CMC2: variants seen among roughly 807,000 people sequenced by gnomAD.
CMC2 encodes C-X9-C motif containing 2.
In CMC2, 5 loss-of-function variants were observed where a neutral mutation model predicts 7.5. The ratio of observed to expected loss-of-function variants is 0.66; its 90% CI spans 0.35 to 1.40. CMC2 has a LOEUF of 1.40. Ranked by LOEUF, CMC2 falls within the 40% of genes most tolerant of loss-of-function variation. The pLI is 0.04. For missense variants in CMC2, 115 were observed against 92.3 expected (o/e 1.25, Z -1.01); for synonymous variants, 37 against 31.4 (o/e 1.18, Z -0.60).
chr16:80,982,223 G>C (rs993529391), intron 2 of CMC2: 32 of 168,416 alleles, frequency 1.9e-4, no homozygotes, highest in South Asian at 6.3e-4. Flanking sequence ...GTAAATACTG[G>C]CCGGGCACGG....
chr16:80,979,006 G>A lies in CMC2; in HGVS notation c.153+2800C>T, dbSNP rs191927194. 1.4e-3 allele frequency among the ~76,000 whole-genome samples: 208 copies of A among 152,176 alleles called. 3 individuals are homozygous for A. Among genetic ancestry groups the A allele is most frequent in the African/African-American group, 4.7e-3 (197 of 41,508 alleles). On this transcript the variant is annotated intron_variant, in intron 3 of 3. Transcript: ENST00000219400. ...TGAGGCAGGAGAATGGCGTGAACCC[G>A]GGAGGAGGAGCTTGCAGTGGGCTGA...
rs922237214 is a variant in CMC2 at position 80,978,840 on chromosome 16, A to G, written c.154-2661T>C. ...CTCACGCCTGTAACCCCAGCACTTT[A>G]GGAGGCCAAGGCGGGCGGATAACAA... On this transcript the variant is annotated intron_variant, in intron 3 of 3. Coordinates refer to ENST00000219400, the MANE Select transcript of CMC2 (RefSeq NM_020188.5). Among the ~76,000 whole-genome samples, 11 of 152,270 alleles carry G rather than the reference A, an allele frequency of 7.2e-5. No individual in the cohort carries two copies. The East Asian group carries it at 1.5e-3, about 21-fold the overall frequency.
intron 2 of CMC2, among the ~76,000 whole-genome samples, chr16:80,992,593 T>C (rs1404686826): frequency 1.3e-5 from 2 of 152,218 alleles, no homozygotes; most frequent in African/African-American, 2.4e-5. Context: ...TCTCTAATTA[T>C]TGAGGTTGAA....
chr16:80,987,322 A>T (rs933321440), intron 2 of CMC2, among the ~76,000 whole-genome samples: 1 of 152,208 alleles, frequency 6.6e-6, no homozygotes, highest in African/African-American at 2.4e-5. Context: ...AAATACAAAA[A>T]TTTTTAAATG....
chr16:80,991,498 C>T (rs993098428), intron 2 of CMC2, among the ~76,000 whole-genome samples: 7 of 151,910 alleles, frequency 4.6e-5, no homozygotes, highest in African/African-American at 1.5e-4. Context: ...AAAAATTATT[C>T]GAGCATGGTG....
intron 3 of CMC2, among the ~76,000 whole-genome samples, chr16:80,981,143 T>C (rs1046548844): frequency 6.6e-6 from 1 of 150,968 alleles, no homozygotes; most frequent in Admixed American, 6.6e-5. Context: ...TTAGCCATCA[T>C]ATATTTTTAA....
At position 80,975,956 on chromosome 16, in the gene CMC2, T is replaced by C. The variant is rs1912269438; in HGVS notation, c.*137A>G. 1.1e-5 allele frequency: 7 copies of C among 632,290 alleles called. No individual in the cohort carries two copies. In the Admixed American group the frequency reaches 2.0e-4, roughly 18 times the overall value. 39.2% of individuals were successfully genotyped at this position (632,290 alleles called of 1,614,324 possible). Reference sequence around the variant, plus strand: ...ATACTCAGAATCCAGGGTTTTCATATTTCTCCATGGTTCAATCTCTCACAG... The same window carrying C: ...ATACTCAGAATCCAGGGTTTTCATACTTCTCCATGGTTCAATCTCTCACAG... On this transcript the variant is annotated 3_prime_UTR_variant, in exon 4 of 4. Coordinates refer to ENST00000219400, the MANE Select transcript of CMC2 (RefSeq NM_020188.5).
At chr16:80,995,357 T>C (rs913186708) in intron 2 of CMC2, among the ~76,000 whole-genome samples, 7 of 148,476 alleles carry the variant, frequency 4.7e-5, no homozygotes, top group Non-Finnish European at 1.1e-4. Flanking sequence ...GTGCAAAATA[T>C]AGGAATATAC....
chr16:81,001,475 G>T (rs1249531010), intron 1 of CMC2: 1 of 152,180 alleles, frequency 6.6e-6, no homozygotes, highest in Non-Finnish European at 1.5e-5. Flanking sequence ...AGGGCAGGAG[G>T]AGATGAATGG....
chr16:80,992,819 G>A (rs957141319), intron 2 of CMC2, among the ~76,000 whole-genome samples: 5 of 150,594 alleles, frequency 3.3e-5, no homozygotes, highest in Non-Finnish European at 5.9e-5. Context: ...AACCTTCCAA[G>A]TAGCTAGGAC....
chr16:80,995,942 T>G (rs1009552002), intron 2 of CMC2, among the ~76,000 whole-genome samples: 1 of 152,128 alleles, frequency 6.6e-6, no homozygotes, highest in Non-Finnish European at 1.5e-5. Flanking sequence ...GTTAATTTTT[T>G]AAAATCCATC....
intron 1 of CMC2, among the ~76,000 whole-genome samples, chr16:80,999,671 G>A (rs1025721459): frequency 6.6e-6 from 1 of 152,080 alleles, no homozygotes; most frequent in Non-Finnish European, 1.5e-5. Context: ...AGACTATAAG[G>A]CTACAATAAC....
chr16:80,996,364 C>T (rs1368214579), intron 2 of CMC2, among the ~76,000 whole-genome samples: 1 of 152,196 alleles, frequency 6.6e-6, no homozygotes, highest in Non-Finnish European at 1.5e-5. Context: ...AAATATTCTA[C>T]TTTAACACAA....
chr16:80,980,766 G>A (rs547904967), intron 3 of CMC2: 6 of 687,416 alleles, frequency 8.7e-6, no homozygotes, highest in African/African-American at 1.8e-5. Flanking sequence ...ATGGTGGTAC[G>A]CACCTGTCGT....
At chr16:80,988,335 AT>A (rs747430792) in intron 2 of CMC2, among the ~76,000 whole-genome samples, 5 of 152,192 alleles carry the variant, frequency 3.3e-5, no homozygotes, top group Non-Finnish European at 7.3e-5. Context: ...ATAGCTCACT[AT>A]ACACTCAAAC....
Position 81,006,728 on chromosome 16 carries a change from A to T in CMC2, c.-36+6T>A. 1.0e-6 allele frequency: 1 copy of T among 985,292 alleles called. No individual in the cohort carries two copies. Among genetic ancestry groups the T allele is most frequent in the South Asian group, 4.7e-5 (1 of 21,278 alleles). The allele number at this position is 985,292 out of a possible 1,614,324, so 61.0% of individuals were successfully genotyped here. On this transcript the variant is annotated splice_donor_region_variant and intron_variant, in intron 1 of 3. Transcript: ENST00000219400. ...GTTCGGAACGGCCTGGACTCCCGAG[A>T]CTCACCCGACTCGTGGCCACACCGG...
chr16:80,988,263 G>A (rs371976583), intron 2 of CMC2, among the ~76,000 whole-genome samples: 2 of 152,242 alleles, frequency 1.3e-5, no homozygotes, highest in South Asian at 2.1e-4. Flanking sequence ...AGTGGTGGTG[G>A]TGTTGCTGTT....
At chr16:80,984,312 A>C (rs1967356913) in intron 2 of CMC2, among the ~76,000 whole-genome samples, 1 of 152,202 alleles carries the variant, frequency 6.6e-6, no homozygotes, top group African/African-American at 2.4e-5. Context: ...TGAACTTGGT[A>C]GTTGTAATAA....
chr16:80,992,153 T>C (rs1370446872), intron 2 of CMC2, among the ~76,000 whole-genome samples: 2 of 152,210 alleles, frequency 1.3e-5, no homozygotes, highest in African/African-American at 4.8e-5. Flanking sequence ...AATTTCTCTG[T>C]AAATCTAAAA....
Sources: gnomAD v4.1 joint callset for allele counts (sites outside exome capture counted in the v4.1 genomes callset) on GRCh38, gnomAD v4.1.1 for gene constraint, MANE v1.5 for transcripts, NCBI Gene and HGNC (gene_info 2026-07-23, HGNC 2026-07-21) for gene names.